Variants in EXT1 observed in about 807,000 individuals in gnomAD.
EXT1 encodes the protein exostosin glycosyltransferase 1, also known as exostosin-1.
In EXT1, 20 loss-of-function variants were observed where a neutral mutation model predicts 82.5. The observed-to-expected ratio is 0.24, with a 90% CI of 0.17 to 0.35. The LOEUF (loss-of-function observed/expected upper bound fraction) is 0.35, where lower values mean the gene tolerates loss of function less well. Among genes scored for constraint, EXT1 ranks in the 10% least tolerant of loss-of-function variants. EXT1 has a pLI of 1.00. For missense variants in EXT1, 757 were observed against 936.5 expected (o/e 0.81, Z 2.50); for synonymous variants, 348 against 350.8 (o/e 0.99, Z 0.09).
At chr8:117,994,226 A>C (rs937958611) in intron 1 of EXT1, among the ~76,000 whole-genome samples, 1 of 152,192 alleles carries the variant, frequency 6.6e-6, no homozygotes, top group Admixed American at 6.5e-5. Context: ...CGTCATCATC[A>C]TAAGAAGTTC....
intron 7 of EXT1, among the ~76,000 whole-genome samples, chr8:117,815,715 G>A (rs890257361): frequency 1.3e-5 from 2 of 152,116 alleles, no homozygotes; most frequent in African/African-American, 4.8e-5. Flanking sequence ...TGGATCACCT[G>A]AGTTTGGGAG....
chr8:118,033,097 G>A (rs1816360876), intron 1 of EXT1, among the ~76,000 whole-genome samples: 1 of 152,160 alleles, frequency 6.6e-6, no homozygotes, highest in South Asian at 2.1e-4. Flanking sequence ...CGCTAAATAT[G>A]TGCCCACTCC....
intron 1 of EXT1, among the ~76,000 whole-genome samples, chr8:117,939,571 GA>G (rs11420757): frequency 0.011 from 1,371 of 122,836 alleles, 23 homozygotes; most frequent in African/African-American, 0.041. Context: ...CTCCATCTCT[GA>G]AAAAAAAAAA....
intron 1 of EXT1, among the ~76,000 whole-genome samples, chr8:117,870,652 G>C (rs1022751704): frequency 1.3e-5 from 2 of 152,054 alleles, no homozygotes; most frequent in African/African-American, 4.8e-5. Context: ...CATGCAACTT[G>C]CTCCAGAGTA....
At chr8:118,012,540 T>TTA (rs1316124138) in intron 1 of EXT1, among the ~76,000 whole-genome samples, 3 of 152,174 alleles carry the variant, frequency 2.0e-5, no homozygotes, top group African/African-American at 7.2e-5. Flanking sequence ...ATAAAAGGCT[T>TTA]TAGCCTTGGC....
In EXT1 at chr8:117,830,318, T is replaced by C. The variant is rs1275929525; in HGVS notation, c.1196A>G (p.Asp399Gly). ...CTGCTGTCTAAGTGCTAGGATTTTA[T>C]CCTGATGAATAGACCTGATTGTAGA... ...IPSTIRSIHQ[D>G]KILALRQQTQ... is the part of the protein sequence containing the mutation. Residue 399 changes from aspartate (D) to glycine (G), a missense_variant, in exon 4 of 11, where the codon GAT becomes GGT. This residue lies in a region of EXT1 where 207 missense variants were observed against 224.2 expected (regional missense o/e 0.92). Coordinates refer to ENST00000378204, the MANE Select transcript of EXT1 (RefSeq NM_000127.3). 1 of 1,613,976 alleles carries C rather than the reference T, an allele frequency of 6.2e-7. No individual in the cohort carries two copies.
chr8:117,917,362 G>A (rs939635704), intron 1 of EXT1, among the ~76,000 whole-genome samples: 3 of 152,252 alleles, frequency 2.0e-5, no homozygotes, highest in Middle Eastern at 3.4e-3. Flanking sequence ...CTACTTGGGA[G>A]GCTGAGGCAA....
chr8:118,106,193 G>A (rs540321427), intron 1 of EXT1, among the ~76,000 whole-genome samples: 25 of 152,296 alleles, frequency 1.6e-4, no homozygotes, highest in Middle Eastern at 3.4e-3. Context: ...TTTTTGCAAA[G>A]GTTGTCCTCC....
At chr8:117,878,372 C>T (rs578195160) in intron 1 of EXT1, among the ~76,000 whole-genome samples, 1 of 152,252 alleles carries the variant, frequency 6.6e-6, no homozygotes, top group Admixed American at 6.5e-5. Context: ...GTATACACTT[C>T]AGTAAAATAA....
intron 1 of EXT1, among the ~76,000 whole-genome samples, chr8:117,992,714 G>C (rs1042347861): frequency 1.3e-5 from 2 of 152,172 alleles, no homozygotes; most frequent in African/African-American, 4.8e-5. Context: ...ACACAAGCCA[G>C]ATAACCACTC....
chr8:118,084,551 A>G (rs1817385932), intron 1 of EXT1, among the ~76,000 whole-genome samples: 1 of 152,208 alleles, frequency 6.6e-6, no homozygotes, highest in South Asian at 2.1e-4. Flanking sequence ...TGCCTGACAG[A>G]GCATCAGGGT....
At chr8:117,846,127 C>A (rs1196816188) in intron 1 of EXT1, among the ~76,000 whole-genome samples, 1 of 152,062 alleles carries the variant, frequency 6.6e-6, no homozygotes, top group African/African-American at 2.4e-5. Flanking sequence ...CCCCTTTGAG[C>A]AGAGTCTTCT....
chr8:117,968,174 T>C (rs1210905568), intron 1 of EXT1, among the ~76,000 whole-genome samples: 1 of 152,196 alleles, frequency 6.6e-6, no homozygotes, highest in Non-Finnish European at 1.5e-5. Context: ...GGCATGATCA[T>C]AGCTGACTGT....
chr8:117,895,542 G>C (rs1185788231), intron 1 of EXT1, among the ~76,000 whole-genome samples: 1 of 152,150 alleles, frequency 6.6e-6, no homozygotes, highest in East Asian at 1.9e-4. Context: ...AGACTGAAGG[G>C]AAGTCATTAA....
chr8:117,822,387 TAGA>T, intron 5 of EXT1, 75 bp downstream of exon 5: 1 of 1,505,170 alleles, frequency 6.6e-7, no homozygotes, highest in Non-Finnish European at 9.2e-7. Flanking sequence ...CCCATTAGAG[TAGA>T]AGAATAAAGG....
chr8:117,818,919 C>CT (rs1439086100), intron 6 of EXT1, among the ~76,000 whole-genome samples: 3 of 152,176 alleles, frequency 2.0e-5, no homozygotes, highest in African/African-American at 7.2e-5. Flanking sequence ...AAAATGTATA[C>CT]TGAGCATCTG....
At chr8:117,921,138 G>C (rs1813847184) in intron 1 of EXT1, among the ~76,000 whole-genome samples, 2 of 152,142 alleles carry the variant, frequency 1.3e-5, no homozygotes, top group Admixed American at 6.5e-5. Context: ...CATTTCCTGA[G>C]AGTAATGACT....
At chr8:117,868,676 C>T (rs1448226014) in intron 1 of EXT1, among the ~76,000 whole-genome samples, 1 of 151,996 alleles carries the variant, frequency 6.6e-6, no homozygotes, top group Non-Finnish European at 1.5e-5. Flanking sequence ...TCTTGAGGTC[C>T]TGGGCTCAAG....
chr8:117,978,655 A>T (rs192734698), intron 1 of EXT1, among the ~76,000 whole-genome samples: 2 of 152,338 alleles, frequency 1.3e-5, no homozygotes, highest in East Asian at 3.9e-4. Context: ...GTTTCTTTAC[A>T]AATGTATCAC....
Sources: allele counts gnomAD v4.1 joint callset (sites outside exome capture counted in the v4.1 genomes callset), GRCh38; gene constraint gnomAD v4.1.1; regional missense constraint gnomAD v4.1.1; transcripts MANE v1.5; gene names NCBI Gene and HGNC (gene_info 2026-07-23, HGNC 2026-07-21).